The following LRRC8C variants were observed in gnomAD, a reference collection of about 807,000 sequenced individuals.
LRRC8C encodes the protein leucine rich repeat containing 8 VRAC subunit C.
LRRC8C carries 20 observed loss-of-function variants against 55.3 expected under a neutral mutation model. That is an observed-to-expected ratio of 0.36 (90% CI 0.25 to 0.53). The LOEUF (loss-of-function observed/expected upper bound fraction) is 0.53, where lower values mean the gene tolerates loss of function less well. Ranked by LOEUF, LRRC8C falls within the 20% of genes least tolerant of loss-of-function variation. The pLI, the probability that LRRC8C is intolerant of heterozygous loss-of-function variation, is 0.92. For synonymous variants in LRRC8C, 376 were observed against 360.7 expected, an observed-to-expected ratio of 1.04 and a Z score of -0.48; for missense variants, 659 against 951.4, an observed-to-expected ratio of 0.69 and a Z score of 4.04.
At chr1:89,691,037 C>T (rs1658014161) in intron 2 of LRRC8C, among the ~76,000 whole-genome samples, 1 of 152,198 alleles carries the variant, frequency 6.6e-6, no homozygotes, top group South Asian at 2.1e-4. Context: ...GCACAGAATT[C>T]ATACGGGGTG....
intron 2 of LRRC8C, among the ~76,000 whole-genome samples, chr1:89,689,458 C>T (rs1292716824): frequency 6.6e-6 from 1 of 152,116 alleles, no homozygotes; most frequent in Admixed American, 6.5e-5. Context: ...AACAAGACCA[C>T]TACAGCTGTT....
chr1:89,660,442 C>G (rs914367261), intron 1 of LRRC8C, among the ~76,000 whole-genome samples: 2 of 152,162 alleles, frequency 1.3e-5, no homozygotes, highest in African/African-American at 4.8e-5. Flanking sequence ...TAACTGCACC[C>G]AGGCATCAGT....
chr1:89,648,837 A>T (rs1324479499), intron 1 of LRRC8C, among the ~76,000 whole-genome samples: 1 of 152,204 alleles, frequency 6.6e-6, no homozygotes. Context: ...GGTATCAAAA[A>T]TACGTGTTTT....
intron 1 of LRRC8C, among the ~76,000 whole-genome samples, chr1:89,659,061 T>TGTG (rs1553164941): frequency 4.8e-4 from 26 of 53,954 alleles, no homozygotes; most frequent in African/African-American, 1.6e-3. Context: ...TTTTTTTTTT[T>TGTG]TGTGTGTGTG....
intron 2 of LRRC8C, among the ~76,000 whole-genome samples, chr1:89,690,819 A>G (rs1016341949): frequency 1.1e-4 from 16 of 151,826 alleles, no homozygotes; most frequent in African/African-American, 3.9e-4. Flanking sequence ...CAGCACCACC[A>G]CTCTTACCTC....
rs913657580 is a variant in LRRC8C at position 89,715,102 on chromosome 1, C to T, written c.*120C>T. ...TTTCACACAAAATGTACACAAAGAT[C>T]GCGTAAGGAGTATGTATTTTTAATA... On this transcript the variant is annotated 3_prime_UTR_variant, in exon 3 of 3. Transcript: ENST00000370454. 34 of 541,404 alleles carry T rather than the reference C, an allele frequency of 6.3e-5. No individual in the cohort carries two copies. Among genetic ancestry groups the T allele is most frequent in the Non-Finnish European group, 9.4e-5 (30 of 317,792 alleles). The allele number at this position is 541,404 out of a possible 1,614,324, so 33.5% of individuals were successfully genotyped here. A position where few individuals can be genotyped will look rare whatever the true frequency, so the allele number is the denominator to read the frequency against.
chr1:89,685,204 C>T lies in LRRC8C; in HGVS notation c.-4-1266C>T, dbSNP rs560664390. Among the ~76,000 whole-genome samples the T allele has an allele frequency of 5.3e-4, 79 of 150,282 alleles. 1 individual carries two copies. In the East Asian group the frequency reaches 9.8e-3, roughly 19 times the overall value. On this transcript the variant is annotated intron_variant, in intron 1 of 2. Coordinates refer to ENST00000370454, the MANE Select transcript of LRRC8C (RefSeq NM_032270.5). ...CGCAATCTCGGCTCACTGCAAGCTC[C>T]GCTTCCCGGGTTCACGCCATTCTCC...
intron 2 of LRRC8C, among the ~76,000 whole-genome samples, chr1:89,701,893 A>AAGCAGT (rs562873650): frequency 8.3e-4 from 126 of 152,284 alleles, no homozygotes; most frequent in African/African-American, 2.7e-3. Context: ...ATCCAAAACT[A>AAGCAGT]AGCAGTAGCA....
At chr1:89,701,490 A>AG (rs1027069876) in intron 2 of LRRC8C, among the ~76,000 whole-genome samples, 8 of 151,812 alleles carry the variant, frequency 5.3e-5, no homozygotes, top group Non-Finnish European at 1.0e-4. Context: ...CAAAAAAAAA[A>AG]AAAGAAAGAA....
In LRRC8C at chr1:89,633,157, T is replaced by C. The variant is rs1447787027; in HGVS notation, c.-170T>C. ...CCGGCTGGAAGCCCGCGAAGAGAAG[T>C]AGGAGGAAGGCGCCGCCGTGGCCGC... On this transcript the variant is annotated 5_prime_UTR_variant, in exon 1 of 3. Transcript: ENST00000370454. 1.3e-5 allele frequency: 2 copies of C among 151,872 alleles called. No individual in the cohort carries two copies. The highest frequency in any genetic ancestry group is 1.9e-4 in the East Asian group (1 of 5,142). The allele number at this position is 151,872 out of a possible 1,614,324, so 9.4% of individuals were successfully genotyped here.
chr1:89,634,547 C>T (rs1656225187), intron 1 of LRRC8C, among the ~76,000 whole-genome samples: 1 of 152,124 alleles, frequency 6.6e-6, no homozygotes, highest in African/African-American at 2.4e-5. Flanking sequence ...ATTAAGATGC[C>T]ATTTAGACGA....
rs115565498 is a variant in LRRC8C at position 89,674,109 on chromosome 1, T to A, written c.-4-12361T>A. On this transcript the variant is annotated intron_variant, in intron 1 of 2. Transcript: ENST00000370454. ...ATCATGCAATGTATGTTACCTAGTTTCACTATTTCTTTTTGAGGGAGGATA... is the reference window on the plus strand; with the variant it reads ...ATCATGCAATGTATGTTACCTAGTTACACTATTTCTTTTTGAGGGAGGATA... Among the ~76,000 whole-genome samples the A allele has an allele frequency of 6.4e-3, 977 of 152,344 alleles. 6 individuals are homozygous for A. The highest frequency in any genetic ancestry group is 0.023 in the African/African-American group (945 of 41,584).
chr1:89,666,346 A>C (rs1015454221), intron 1 of LRRC8C, among the ~76,000 whole-genome samples: 2 of 152,180 alleles, frequency 1.3e-5, no homozygotes, highest in African/African-American at 4.8e-5. Flanking sequence ...GCACACCAAC[A>C]TGGCACACGT....
rs140914343 is a variant in LRRC8C at position 89,714,093 on chromosome 1, C to A, written c.1523C>A (p.Pro508His). ...TTTGATGACATGAGGGAACTCCCCC[C>A]CTGGATGTATGGGCTCCGAAATCTG... ...VKFDDMRELPPWMYGLRNLEE... is the reference protein window; with the variant it reads ...VKFDDMRELPHWMYGLRNLEE... Residue 508 changes from proline to histidine, a missense_variant, in exon 3 of 3, where the codon CCC becomes CAC. By Grantham distance (77) the Pro-to-His change is moderately conservative. This residue lies in a region of LRRC8C where 344 missense variants were observed against 464.6 expected (regional missense o/e 0.74). Transcript: ENST00000370454. This position sits in a 1 kb window ranked among gnomAD's most constrained non-coding sequence, Gnocchi z 4.6. 1,443 of 1,614,070 alleles carry A rather than the reference C, an allele frequency of 8.9e-4. 2 individuals carry two copies. The highest frequency in any genetic ancestry group is 1.1e-3 in the Non-Finnish European group (1,339 of 1,180,024).
chr1:89,701,587 C>T (rs968773700), intron 2 of LRRC8C, among the ~76,000 whole-genome samples: 1 of 151,952 alleles, frequency 6.6e-6, no homozygotes, highest in African/African-American at 2.4e-5. Context: ...TAAAGAAATT[C>T]GGCCTTTCTG....
intron 2 of LRRC8C, among the ~76,000 whole-genome samples, chr1:89,695,109 A>G (rs1394212875): frequency 6.6e-6 from 1 of 151,578 alleles, no homozygotes; most frequent in African/African-American, 2.4e-5. Flanking sequence ...TTTAGTAGAG[A>G]TGGGGTTTCA....
At chr1:89,674,102 C>T (rs1319699034) in intron 1 of LRRC8C, among the ~76,000 whole-genome samples, 1 of 152,116 alleles carries the variant, frequency 6.6e-6, no homozygotes, top group East Asian at 1.9e-4. Flanking sequence ...ATGTATGTTA[C>T]CTAGTTTCAC....
rs1323983587 is a variant in LRRC8C at position 89,633,153 on chromosome 1, G to C, written c.-174G>C. ...CGTCCCGGCTGGAAGCCCGCGAAGA[G>C]AAGTAGGAGGAAGGCGCCGCCGTGG... On this transcript the variant is annotated 5_prime_UTR_variant, in exon 1 of 3. Coordinates refer to ENST00000370454, the MANE Select transcript of LRRC8C (RefSeq NM_032270.5). 6.6e-6 allele frequency: 1 copy of C among 152,162 alleles called. No homozygotes were observed. Among genetic ancestry groups the C allele is most frequent in the Non-Finnish European group, 1.5e-5 (1 of 68,094 alleles). 9.4% of individuals were successfully genotyped at this position (152,162 alleles called of 1,614,324 possible).
chr1:89,633,428 G>C (rs1416415702), intron 1 of LRRC8C, 106 bp downstream of exon 1: 5 of 152,578 alleles, frequency 3.3e-5, no homozygotes, highest in Non-Finnish European at 7.3e-5. Context: ...CCTCACTCGC[G>C]TCCTTGCTTC....
Sources: gnomAD v4.1 joint callset for allele counts (sites outside exome capture counted in the v4.1 genomes callset) on GRCh38, gnomAD v4.1.1 for gene constraint, gnomAD v4.1.1 regional missense constraint, Gnocchi (gnomAD v3.1) non-coding constraint, MANE v1.5 for transcripts, NCBI Gene and HGNC (gene_info 2026-07-23, HGNC 2026-07-21) for gene names.